The following ZNF569 variants were observed in gnomAD, a reference collection of about 807,000 sequenced individuals.
ZNF569 encodes zinc finger protein 569.
In ZNF569, 38 loss-of-function variants were observed where a neutral mutation model predicts 56.3. The ratio of observed to expected loss-of-function variants is 0.68; its 90% CI spans 0.52 to 0.88. The LOEUF (loss-of-function observed/expected upper bound fraction) is 0.88, where lower values mean the gene tolerates loss of function less well. ZNF569 is among the 40% of genes least tolerant of loss of function. The pLI is 0.00. For missense variants in ZNF569, 666 were observed against 809.2 expected, an observed-to-expected ratio of 0.82 and a Z score of 2.15; for synonymous variants, 241 against 262.9, an observed-to-expected ratio of 0.92 and a Z score of 0.81.
At chr19:37,427,065 C>G (rs531786373) in intron 3 of ZNF569, among the ~76,000 whole-genome samples, 1 of 152,254 alleles carries the variant, frequency 6.6e-6, no homozygotes, top group Middle Eastern at 3.4e-3. Context: ...TGCCTGTAAT[C>G]CCAGCACTTT....
rs73029305 is a variant in ZNF569 at position 37,462,040 on chromosome 19, T to C, written c.-44+3273A>G. 8.6e-3 allele frequency among the ~76,000 whole-genome samples: 1,315 copies of C among 152,266 alleles called. 8 individuals carry two copies. The highest frequency in any genetic ancestry group is 0.014 in the Non-Finnish European group (950 of 68,016). On this transcript the variant is annotated intron_variant, in intron 2 of 5. Coordinates refer to ENST00000316950, the MANE Select transcript of ZNF569 (RefSeq NM_152484.3). ...CTGTCCCAATCTCTGTGATTTTTTT[T>C]CCCCTGTTCTTCTCAAACTCTAGCA... is the stretch of plus-strand genomic sequence containing the variant.
intron 5 of ZNF569, among the ~76,000 whole-genome samples, chr19:37,424,068 T>C (rs1042062610): frequency 2.0e-5 from 3 of 151,958 alleles, no homozygotes; most frequent in African/African-American, 7.3e-5. Context: ...GACAAATATA[T>C]CAGAAAATGG....
intron 3 of ZNF569, among the ~76,000 whole-genome samples, chr19:37,437,585 G>A (rs1467206441): frequency 6.6e-6 from 1 of 152,054 alleles, no homozygotes; most frequent in Non-Finnish European, 1.5e-5. Flanking sequence ...AAAACCTGAA[G>A]ACTCCAGCAA....
chr19:37,414,554 C>T, intron 5 of ZNF569, 135 bp from the exon 6 acceptor site: 1 of 1,341,304 alleles, frequency 7.5e-7, no homozygotes, highest in Non-Finnish European at 9.8e-7. Context: ...AAAACATTTT[C>T]AACTGCATAT....
chr19:37,448,208 A>T (rs147446800), intron 2 of ZNF569, among the ~76,000 whole-genome samples: 3 of 152,294 alleles, frequency 2.0e-5, no homozygotes, highest in African/African-American at 7.2e-5. Flanking sequence ...CTGGGTGTGG[A>T]GTTTCCATTT....
At chr19:37,431,295 T>C (rs891714825) in intron 3 of ZNF569, among the ~76,000 whole-genome samples, 2 of 152,048 alleles carry the variant, frequency 1.3e-5, no homozygotes, top group Non-Finnish European at 2.9e-5. Flanking sequence ...ACCCCTTCCT[T>C]CCACTTGAGA....
At chr19:37,460,358 G>A (rs2041737521) in intron 2 of ZNF569, among the ~76,000 whole-genome samples, 1 of 152,070 alleles carries the variant, frequency 6.6e-6, no homozygotes, top group East Asian at 1.9e-4. Context: ...GGCCAGGTTG[G>A]TCCTAAACTC....
chr19:37,446,403 A>G (rs948550263), intron 2 of ZNF569, among the ~76,000 whole-genome samples: 2 of 152,040 alleles, frequency 1.3e-5, no homozygotes, highest in African/African-American at 4.8e-5. Flanking sequence ...CAAAAAAATT[A>G]TCCAGGCATG....
At chr19:37,446,912 A>C (rs1370731572) in intron 2 of ZNF569, among the ~76,000 whole-genome samples, 1 of 152,180 alleles carries the variant, frequency 6.6e-6, no homozygotes, top group Non-Finnish European at 1.5e-5. Context: ...AATCAGCAAG[A>C]AAAAAACAAT....
intron 1 of ZNF569, chr19:37,466,670 A>C (rs1398798240): frequency 6.6e-6 from 1 of 152,246 alleles, no homozygotes; most frequent in African/African-American, 2.4e-5. Flanking sequence ...CCAATGACCA[A>C]AGCTAAAGAC....
At chr19:37,442,926 T>C (rs1037140203) in intron 3 of ZNF569, among the ~76,000 whole-genome samples, 4 of 152,216 alleles carry the variant, frequency 2.6e-5, no homozygotes, top group African/African-American at 9.7e-5. Flanking sequence ...ATAGAAAAGG[T>C]ATCCTAGAGT....
chr19:37,449,512 A>G (rs752387578), intron 2 of ZNF569, among the ~76,000 whole-genome samples: 5 of 152,076 alleles, frequency 3.3e-5, no homozygotes, highest in African/African-American at 9.7e-5. Flanking sequence ...TTTGCCTCGT[A>G]TATCTTGAAG....
chr19:37,419,226 T>C (rs2040987928), intron 5 of ZNF569, among the ~76,000 whole-genome samples: 3 of 152,218 alleles, frequency 2.0e-5, no homozygotes, highest in Non-Finnish European at 4.4e-5. Flanking sequence ...ATTCTGTAGG[T>C]TGTATGTTTA....
Position 37,445,685 on chromosome 19 carries a change from C to T in ZNF569, c.-43-721G>A, listed in dbSNP as rs532176616. The stretch of plus-strand genomic sequence containing the variant: ...GCTGAGAATCAAATCAAGAACTCAG[C>T]CCCTTTTACAATAGCTGCCAAAAAA... On this transcript the variant is annotated intron_variant, in intron 2 of 5. Coordinates refer to ENST00000316950, the MANE Select transcript of ZNF569 (RefSeq NM_152484.3). Among the ~76,000 whole-genome samples, 3 of 152,174 alleles carry T rather than the reference C, an allele frequency of 2.0e-5. No homozygotes were observed. The South Asian group carries it at 6.2e-4, about 32-fold the overall frequency.
At chr19:37,439,666 T>G (rs2041371568) in intron 3 of ZNF569, among the ~76,000 whole-genome samples, 1 of 152,146 alleles carries the variant, frequency 6.6e-6, no homozygotes, top group Admixed American at 6.5e-5. Context: ...TAAGTGCCCA[T>G]CAGGAAATGC....
intron 5 of ZNF569, among the ~76,000 whole-genome samples, chr19:37,419,478 T>G (rs2040992600): frequency 6.6e-6 from 1 of 152,114 alleles, no homozygotes; most frequent in Non-Finnish European, 1.5e-5. Flanking sequence ...TCCCAGCACT[T>G]TGGGAGGCCG....
chr19:37,419,466 A>G (rs2040992318), intron 5 of ZNF569, among the ~76,000 whole-genome samples: 1 of 152,166 alleles, frequency 6.6e-6, no homozygotes, highest in African/African-American at 2.4e-5. Context: ...TCACGACTGT[A>G]ATCCCAGCAC....
intron 3 of ZNF569, among the ~76,000 whole-genome samples, chr19:37,437,763 G>A (rs2041335645): frequency 1.3e-5 from 2 of 151,816 alleles, no homozygotes; most frequent in African/African-American, 4.8e-5. Flanking sequence ...GTTAACCAAA[G>A]AATTGAAAGA....
Position 37,414,204 on chromosome 19 carries a change from A to G in ZNF569, c.454T>C (p.Cys152Arg). The change falls in exon 6 of 6, where the codon TGT becomes CGT. Residue 152 changes from cysteine to arginine, a missense_variant. Coordinates refer to ENST00000316950, the MANE Select transcript of ZNF569 (RefSeq NM_152484.3). ...ATAAGGCATTTCACATTATTATGAC[A>G]GTCAAAATTATGTTCTAAACACTTT... is the stretch of plus-strand genomic sequence containing the variant. Reference protein sequence around the residue: ...FGKCLEHNFDCHNNVKCLMRK... With the variant: ...FGKCLEHNFDRHNNVKCLMRK... 1.2e-6 allele frequency: 2 copies of G among 1,613,054 alleles called. No homozygotes were observed. The highest frequency in any genetic ancestry group is 1.7e-6 in the Non-Finnish European group (2 of 1,179,604).
Sources: gnomAD v4.1 joint callset for allele counts (sites outside exome capture counted in the v4.1 genomes callset) on GRCh38, gnomAD v4.1.1 for gene constraint, MANE v1.5 for transcripts, NCBI Gene and HGNC (gene_info 2026-07-23, HGNC 2026-07-21) for gene names.